PIK3R6: variants seen among roughly 807,000 people sequenced by gnomAD.
PIK3R6 encodes the protein phosphoinositide-3-kinase regulatory subunit 6.
A neutral mutation model predicts 84.9 loss-of-function variants in PIK3R6; 91 were observed. That is an observed-to-expected ratio of 1.07 (90% CI 0.90 to 1.28). The LOEUF (loss-of-function observed/expected upper bound fraction) is 1.28, where lower values mean the gene tolerates loss of function less well. PIK3R6 is among the 50% of genes most tolerant of loss of function. The pLI is 0.00. For synonymous variants in PIK3R6, 416 were observed against 411.4 expected (o/e 1.01, Z -0.13); for missense variants, 996 against 985.1 (o/e 1.01, Z -0.15).
Position 8,836,530 on chromosome 17 carries a change from T to C in PIK3R6, c.461+17A>G. The C allele has an allele frequency of 6.2e-7, 1 of 1,613,858 alleles. No homozygotes were observed. The highest frequency in any genetic ancestry group is 8.5e-7 in the Non-Finnish European group (1 of 1,179,840). On this transcript the variant is annotated intron_variant, in intron 7 of 19. Transcript: ENST00000619866. ...TTTTAGGAGGCTGAAGGTAGCAATTTTTCTGGGGCCACTCACCTCTCCTGG... is the reference window on the plus strand; with the variant it reads ...TTTTAGGAGGCTGAAGGTAGCAATTCTTCTGGGGCCACTCACCTCTCCTGG...
intron 15 of PIK3R6, 127 bp from the exon 16 acceptor site, chr17:8,822,784 G>T: frequency 9.3e-7 from 1 of 1,079,776 alleles, no homozygotes; most frequent in Non-Finnish European, 1.4e-6. Flanking sequence ...TGGATGGAAA[G>T]GTGACACCTC....
Position 8,802,960 on chromosome 17 carries a change from T to G in PIK3R6, c.*313A>C. Reference sequence around the variant, plus strand: ...GGTTTTAAGGGCTGGATGGGGAGCTTGGGTGGGAGAGGACAGTGGGAGAAG... The same window carrying G: ...GGTTTTAAGGGCTGGATGGGGAGCTGGGGTGGGAGAGGACAGTGGGAGAAG... On this transcript the variant is annotated 3_prime_UTR_variant, in exon 20 of 20. Coordinates refer to ENST00000619866, the MANE Select transcript of PIK3R6 (RefSeq NM_001010855.4). The G allele has an allele frequency of 3.4e-6, 1 of 291,476 alleles. No homozygotes were observed. The highest frequency in any genetic ancestry group is 6.5e-6 in the Non-Finnish European group (1 of 153,130). 18.1% of individuals were successfully genotyped at this position (291,476 alleles called of 1,614,324 possible).
chr17:8,817,269 A>T (rs78842112), intron 18 of PIK3R6, among the ~76,000 whole-genome samples: 3,456 of 152,336 alleles, frequency 0.023, 129 homozygotes, highest in African/African-American at 0.076. Flanking sequence ...CTCTCCAGGG[A>T]TTGGGACTAC....
In PIK3R6 at chr17:8,844,351, A is replaced by G. The variant is rs910591337; in HGVS notation, c.14-4654T>C. 7.9e-5 allele frequency among the ~76,000 whole-genome samples: 12 copies of G among 152,210 alleles called. No homozygotes were observed. The highest frequency in any genetic ancestry group is 2.9e-4 in the African/African-American group (12 of 41,464). On this transcript the variant is annotated intron_variant, in intron 2 of 19. Coordinates refer to ENST00000619866, the MANE Select transcript of PIK3R6 (RefSeq NM_001010855.4). This position sits in a 1 kb window ranked among gnomAD's most constrained non-coding sequence, Gnocchi z 4.5. The stretch of plus-strand genomic sequence containing the variant: ...CTCCCACGTAGGGGGAAGCACTCCA[A>G]GTGAATGATGCTAGAGTTCATCCTA...
intron 2 of PIK3R6, among the ~76,000 whole-genome samples, chr17:8,848,893 C>T (rs141119986): frequency 1.1e-3 from 160 of 152,260 alleles, no homozygotes; most frequent in Non-Finnish European, 1.9e-3. Flanking sequence ...TATTAGCAAC[C>T]GAGCAGCTGA....
intron 1 of PIK3R6, among the ~76,000 whole-genome samples, chr17:8,854,488 A>G (rs1156337375): frequency 1.3e-5 from 2 of 152,208 alleles, no homozygotes; most frequent in African/African-American, 4.8e-5. Flanking sequence ...GTTATTAGTG[A>G]AGGGCTAGAC....
Position 8,819,075 on chromosome 17 carries a change from G to A in PIK3R6, c.1995+8C>T. ...CTGTCTCCCTTTCCCAGTCTACTCA[G>A]TACTTACAGAGAAGGACTTTCCCGC... On this transcript the variant is annotated splice_region_variant and intron_variant, in intron 18 of 19. Transcript: ENST00000619866. 1 of 1,582,066 alleles carries A rather than the reference G, an allele frequency of 6.3e-7. No individual in the cohort carries two copies. Among genetic ancestry groups the A allele is most frequent in the Non-Finnish European group, 8.6e-7 (1 of 1,160,620 alleles).
Position 8,803,976 on chromosome 17 carries a change from G to A in PIK3R6, c.2108+65C>T. ...GAGCTAGAGGCAGGAGATGGCAGGA[G>A]CTGGCTCCTGCTTCAGTTTGTCCCA... is the stretch of plus-strand genomic sequence containing the variant. On this transcript the variant is annotated intron_variant, in intron 19 of 19. Coordinates refer to ENST00000619866, the MANE Select transcript of PIK3R6 (RefSeq NM_001010855.4). This position sits in a 1 kb window ranked among gnomAD's most constrained non-coding sequence, Gnocchi z 5.0. 1 of 1,394,976 alleles carries A rather than the reference G, an allele frequency of 7.2e-7. No individual in the cohort carries two copies. Among genetic ancestry groups the A allele is most frequent in the African/African-American group, 1.4e-5 (1 of 70,372 alleles). 86.4% of individuals were successfully genotyped at this position (1,394,976 alleles called of 1,614,324 possible). A position where few individuals can be genotyped will look rare whatever the true frequency, so the allele number is the denominator to read the frequency against.
intron 1 of PIK3R6, among the ~76,000 whole-genome samples, chr17:8,850,772 A>G (rs1206250932): frequency 6.6e-6 from 1 of 152,258 alleles, no homozygotes; most frequent in Non-Finnish European, 1.5e-5. Flanking sequence ...AAGAGACAAT[A>G]TTAGAAATGA....
At chr17:8,859,759 T>C (rs1193538385) in intron 1 of PIK3R6, among the ~76,000 whole-genome samples, 2 of 152,174 alleles carry the variant, frequency 1.3e-5, no homozygotes, top group Non-Finnish European at 2.9e-5. Context: ...ACTGACGCCG[T>C]CATCTTCCCT....
Position 8,839,517 on chromosome 17 carries a change from G to A in PIK3R6, c.97+97C>T. The A allele has an allele frequency of 3.1e-6, 3 of 970,354 alleles. No individual in the cohort carries two copies. Among genetic ancestry groups the A allele is most frequent in the Non-Finnish European group, 4.6e-6 (3 of 656,278 alleles). 60.1% of individuals were successfully genotyped at this position (970,354 alleles called of 1,614,324 possible). A position where few individuals can be genotyped will look rare whatever the true frequency, so the allele number is the denominator to read the frequency against. On this transcript the variant is annotated intron_variant, in intron 3 of 19. Transcript: ENST00000619866. This position sits in a 1 kb window ranked among gnomAD's most constrained non-coding sequence, Gnocchi z 4.2. ...TGGTGAGACGACCCTTGCCCCCTGA[G>A]CTCCAGGCCGGGGCTCTTTCCTGTA...
At position 8,828,697 on chromosome 17, in the gene PIK3R6, G is replaced by A; in HGVS notation, c.1183C>T (p.Arg395Trp). Residue 395 changes from arginine to tryptophan, a missense_variant, in exon 11 of 20, where the codon CGG (arginine) becomes TGG (tryptophan). Arg to Trp is a moderately radical substitution (Grantham distance 101). Transcript: ENST00000619866. ...GSWDGPPGLH[R>W]RTGRPSGDGE... ...TCCCCACTGGGCCGGCCTGTCCTCC[G>A]GTGCAGCCCTGGGGGCCCGTCCCAG... is the stretch of plus-strand genomic sequence containing the variant. 1.9e-6 allele frequency: 3 copies of A among 1,611,174 alleles called. No homozygotes were observed. The highest frequency in any genetic ancestry group is 2.5e-6 in the Non-Finnish European group (3 of 1,178,842).
At chr17:8,838,705 G>C (rs2088568157) in intron 3 of PIK3R6, 50 bp from the exon 4 acceptor site, 20 of 1,518,968 alleles carry the variant, frequency 1.3e-5, no homozygotes, top group Non-Finnish European at 1.7e-5. Context: ...GCAGTTCTTA[G>C]AGGAGACCCC....
rs560495439 is a variant in PIK3R6 at position 8,822,558 on chromosome 17, A to C, written c.1788+29T>G. 3.1e-6 allele frequency: 5 copies of C among 1,611,592 alleles called. No homozygotes were observed. The African/African-American group carries it at 6.7e-5, about 21-fold the overall frequency. On this transcript the variant is annotated intron_variant, in intron 16 of 19. Transcript: ENST00000619866. ...CTCCCTCCAGCTGTACCTCTTGGCT[A>C]CCTACTGACCACGTCCATGCACACT...
chr17:8,828,309 G>T (rs1360877417), intron 11 of PIK3R6, 119 bp from the exon 12 acceptor site: 9 of 1,108,190 alleles, frequency 8.1e-6, no homozygotes, highest in Non-Finnish European at 1.2e-5. Flanking sequence ...CTGAGCCTCT[G>T]CTTTCTCATC....
chr17:8,829,132 G>C, intron 10 of PIK3R6, 142 bp from the exon 11 acceptor site: 1 of 796,668 alleles, frequency 1.3e-6, no homozygotes, highest in Non-Finnish European at 1.9e-6. Context: ...CATGCACAGA[G>C]ACTCACACAC....
intron 7 of PIK3R6, among the ~76,000 whole-genome samples, chr17:8,836,260 C>T (rs544838110): frequency 1.4e-4 from 21 of 152,178 alleles, no homozygotes; most frequent in Non-Finnish European, 2.8e-4. Flanking sequence ...TGACAGAGCC[C>T]CAGAGTGGCC....
At chr17:8,815,869 T>G (rs8069579) in intron 18 of PIK3R6, among the ~76,000 whole-genome samples, 3,452 of 152,346 alleles carry the variant, frequency 0.023, 127 homozygotes, top group African/African-American at 0.076. Context: ...GAAATTTTTA[T>G]CTACAAGCCC....
intron 18 of PIK3R6, among the ~76,000 whole-genome samples, chr17:8,806,671 G>C (rs187363797): frequency 4.3e-4 from 65 of 152,334 alleles, no homozygotes; most frequent in Middle Eastern, 3.4e-3. Context: ...CCTGTTCTCT[G>C]TTGGTGGCCT....
Sources: allele counts gnomAD v4.1 joint callset (sites outside exome capture counted in the v4.1 genomes callset), GRCh38; gene constraint gnomAD v4.1.1; non-coding constraint Gnocchi (gnomAD v3.1); transcripts MANE v1.5; gene names NCBI Gene and HGNC (gene_info 2026-07-23, HGNC 2026-07-21).